Variants in SLC9A9 observed in about 807,000 individuals in gnomAD.
SLC9A9 encodes the protein sodium/hydrogen exchanger 9.
Under a neutral mutation model 77.8 loss-of-function variants are expected in SLC9A9, and 62 were observed. The ratio of observed to expected loss-of-function variants is 0.80; its 90% CI spans 0.65 to 0.98. SLC9A9 has a LOEUF of 0.98. SLC9A9 is among the 50% of genes least tolerant of loss of function. The probability of loss-of-function intolerance (pLI) is 0.00; values close to 1 mark genes in which losing one functional copy is unlikely to be tolerated. For synonymous variants in SLC9A9, 320 were observed against 283.5 expected (o/e 1.13, Z -1.29); for missense variants, 775 against 774.9 (o/e 1.00, Z 0.00).
chr3:143,839,231 G>C (rs1452106331), intron 1 of SLC9A9, among the ~76,000 whole-genome samples: 2 of 152,092 alleles, frequency 1.3e-5, no homozygotes, highest in East Asian at 1.9e-4. Context: ...CTCCATACTA[G>C]CTCACCATCA....
intron 9 of SLC9A9, among the ~76,000 whole-genome samples, chr3:143,513,619 A>G (rs73146752): frequency 0.029 from 4,451 of 152,320 alleles, 150 homozygotes; most frequent in East Asian, 0.15. Flanking sequence ...TTTTAGATAT[A>G]CTTGCCCAGA....
intron 2 of SLC9A9, among the ~76,000 whole-genome samples, chr3:143,812,328 A>G (rs6802122): frequency 0.6 from 91,883 of 152,130 alleles, 30,719 homozygotes; most frequent in African/African-American, 0.9. Context: ...ATGAAATAAT[A>G]GAAAAAACAA....
Position 143,273,791 on chromosome 3 carries a change from A to G in SLC9A9, c.1605-4811T>C, listed in dbSNP as rs139772887. Among the ~76,000 whole-genome samples the G allele has an allele frequency of 9.1e-3, 1,382 of 152,360 alleles. 26 individuals are homozygous for G. Among genetic ancestry groups the G allele is most frequent in the South Asian group, 0.066 (319 of 4,832 alleles). On this transcript the variant is annotated intron_variant, in intron 14 of 15. Coordinates refer to ENST00000316549, the MANE Select transcript of SLC9A9 (RefSeq NM_173653.4). Reference sequence around the variant, plus strand: ...AGATTCTGATTCAGCAGATCTGGGAAGTAAACGAAGACACTGAATTTTCAG... The same window carrying G: ...AGATTCTGATTCAGCAGATCTGGGAGGTAAACGAAGACACTGAATTTTCAG...
rs997267145 is a variant in SLC9A9, at chr3:143,848,066, C to T, written c.175+82G>A. 1.2e-5 allele frequency: 16 copies of T among 1,281,462 alleles called. No homozygotes were observed. The African/African-American group carries it at 2.3e-4, about 19-fold the overall frequency. 79.4% of individuals were successfully genotyped at this position (1,281,462 alleles called of 1,614,324 possible). A position where few individuals can be genotyped will look rare whatever the true frequency, so the allele number is the denominator to read the frequency against. ...TCAATCAGCACATTTTCTCCAGTTT[C>T]GGTACTTTGCTATCTGAGCACAAGT... is the stretch of plus-strand genomic sequence containing the variant. On this transcript the variant is annotated intron_variant, in intron 1 of 15. Coordinates refer to ENST00000316549, the MANE Select transcript of SLC9A9 (RefSeq NM_173653.4).
chr3:143,698,110 A>G (rs1933693919), intron 4 of SLC9A9: 1 of 152,968 alleles, frequency 6.5e-6, no homozygotes. Context: ...TCATCACTTC[A>G]TAGAAGGCAC....
chr3:143,380,801 T>A (rs1025241611), intron 13 of SLC9A9, among the ~76,000 whole-genome samples: 7 of 152,232 alleles, frequency 4.6e-5, no homozygotes, highest in Non-Finnish European at 8.8e-5. Flanking sequence ...GAGCACAGGC[T>A]CCTTTCTTTT....
chr3:143,662,728 C>A (rs546901399), intron 5 of SLC9A9, among the ~76,000 whole-genome samples: 3 of 151,870 alleles, frequency 2.0e-5, no homozygotes, highest in Non-Finnish European at 4.4e-5. Context: ...GATGAAATTG[C>A]GAGGTAGCAG....
chr3:143,636,795 T>C (rs1162989930), intron 6 of SLC9A9, among the ~76,000 whole-genome samples: 2 of 152,188 alleles, frequency 1.3e-5, no homozygotes, highest in Non-Finnish European at 2.9e-5. Flanking sequence ...ACAGTGAGCC[T>C]GACAACATGC....
intron 9 of SLC9A9, chr3:143,518,285 G>A (rs1344248859): frequency 9.4e-6 from 12 of 1,278,352 alleles, no homozygotes; most frequent in African/African-American, 7.3e-5. Context: ...AGGCCCAGGC[G>A]CTGGCTCAGC....
At chr3:143,441,833 T>TCCA (rs2034742661) in intron 12 of SLC9A9, among the ~76,000 whole-genome samples, 1 of 136,326 alleles carries the variant, frequency 7.3e-6, no homozygotes, top group Non-Finnish European at 1.6e-5. Flanking sequence ...CATTTACTCA[T>TCCA]TCATCCATCC....
intron 2 of SLC9A9, among the ~76,000 whole-genome samples, chr3:143,823,674 TA>T (rs2009228112): frequency 6.6e-6 from 1 of 151,662 alleles, no homozygotes; most frequent in Non-Finnish European, 1.5e-5. Context: ...AATTAAAAAA[TA>T]AATTAAAAAT....
Position 143,372,718 on chromosome 3 carries a change from A to G in SLC9A9, c.1525-9155T>C, listed in dbSNP as rs144684439. 4.7e-3 allele frequency among the ~76,000 whole-genome samples: 712 copies of G among 152,326 alleles called. 2 individuals are homozygous for G. Among genetic ancestry groups the G allele is most frequent in the African/African-American group, 0.016 (657 of 41,588 alleles). On this transcript the variant is annotated intron_variant, in intron 13 of 15. Transcript: ENST00000316549. ...ATTTGCAAACTATGCATCTGACGAG[A>G]AACTAGTGTCCAGAATCTATAAGGA... is the stretch of plus-strand genomic sequence containing the variant.
intron 8 of SLC9A9, among the ~76,000 whole-genome samples, chr3:143,560,729 C>A (rs1312070619): frequency 6.7e-5 from 10 of 148,554 alleles, no homozygotes; most frequent in Non-Finnish European, 8.9e-5. Flanking sequence ...CTTTTTCCTT[C>A]AAAAAAAAAA....
intron 11 of SLC9A9, among the ~76,000 whole-genome samples, chr3:143,472,633 G>C (rs1424102309): frequency 1.3e-5 from 2 of 152,094 alleles, no homozygotes; most frequent in Admixed American, 1.3e-4. Flanking sequence ...CCTTATTACT[G>C]TACCTTGCAA....
intron 5 of SLC9A9, among the ~76,000 whole-genome samples, chr3:143,689,610 A>T (rs78896480): frequency 2.0e-5 from 3 of 151,740 alleles, no homozygotes; most frequent in Non-Finnish European, 4.4e-5. Context: ...GGGTTTCCCT[A>T]TGTTGTCCAG....
At chr3:143,586,507 A>C (rs1374073567) in intron 6 of SLC9A9, among the ~76,000 whole-genome samples, 1 of 152,232 alleles carries the variant, frequency 6.6e-6, no homozygotes, top group African/African-American at 2.4e-5. Context: ...GGAAGCAAGT[A>C]GATGAAAAAC....
intron 5 of SLC9A9, among the ~76,000 whole-genome samples, chr3:143,664,514 A>G (rs1343279258): frequency 6.6e-6 from 1 of 152,266 alleles, no homozygotes; most frequent in Non-Finnish European, 1.5e-5. Flanking sequence ...TAAATGCTCC[A>G]ATTAAAAGAC....
At chr3:143,696,807 ATAC>A (rs1169922015) in intron 4 of SLC9A9, among the ~76,000 whole-genome samples, 1 of 152,154 alleles carries the variant, frequency 6.6e-6, no homozygotes, top group African/African-American at 2.4e-5. Flanking sequence ...ATATGTATAT[ATAC>A]TACCAAGGTA....
intron 6 of SLC9A9, among the ~76,000 whole-genome samples, chr3:143,612,030 A>G (rs746981761): frequency 2.6e-4 from 39 of 152,172 alleles, no homozygotes; most frequent in Non-Finnish European, 4.6e-4. Context: ...GGCCTAGGAA[A>G]CTTTGAAGTT....
Sources: gnomAD v4.1 joint callset for allele counts (sites outside exome capture counted in the v4.1 genomes callset) on GRCh38, gnomAD v4.1.1 for gene constraint, MANE v1.5 for transcripts, NCBI Gene and HGNC (gene_info 2026-07-23, HGNC 2026-07-21) for gene names.